The following CAPSL variants were observed in gnomAD, a reference collection of about 807,000 sequenced individuals.
The protein encoded by CAPSL is calcyphosine like, also known as calcyphosin-like protein.
A neutral mutation model predicts 21.3 loss-of-function variants in CAPSL; 17 were observed. The ratio of observed to expected loss-of-function variants is 0.80; its 90% CI spans 0.55 to 1.20. The LOEUF (loss-of-function observed/expected upper bound fraction) is 1.20, where lower values mean the gene tolerates loss of function less well. CAPSL is among the 50% of genes most tolerant of loss of function. The probability of loss-of-function intolerance (pLI) is 0.00; values close to 1 mark genes in which losing one functional copy is unlikely to be tolerated. For synonymous variants in CAPSL, 102 were observed against 89.3 expected (o/e 1.14, Z -0.80); for missense variants, 289 against 259.3 (o/e 1.11, Z -0.79).
At chr5:35,911,480 C>T (rs1016142211) in intron 2 of CAPSL, among the ~76,000 whole-genome samples, 23 of 152,240 alleles carry the variant, frequency 1.5e-4, no homozygotes, top group Middle Eastern at 6.8e-3. Flanking sequence ...AGAAAAAAAT[C>T]AGAGAAATTC....
At chr5:35,911,792 C>A (rs28755004) in intron 2 of CAPSL, among the ~76,000 whole-genome samples, 1 of 152,154 alleles carries the variant, frequency 6.6e-6, no homozygotes, top group Non-Finnish European at 1.5e-5. Context: ...CAGCTCCCAG[C>A]GTGAGCGATG....
At chr5:35,916,448 ACC>A (rs901872464) in intron 2 of CAPSL, among the ~76,000 whole-genome samples, 6 of 152,234 alleles carry the variant, frequency 3.9e-5, no homozygotes, top group African/African-American at 1.4e-4. Context: ...GCATAACGCT[ACC>A]TGACTTCAAA....
chr5:35,930,896 A>C (rs548160789), intron 1 of CAPSL, among the ~76,000 whole-genome samples: 1 of 152,272 alleles, frequency 6.6e-6, no homozygotes, highest in East Asian at 1.9e-4. Flanking sequence ...GCTCTGGAAT[A>C]TCTCTCTCAT....
chr5:35,936,986 T>C (rs146594921), intron 1 of CAPSL, among the ~76,000 whole-genome samples: 1,765 of 152,318 alleles, frequency 0.012, 13 homozygotes, highest in Non-Finnish European at 0.018. Flanking sequence ...ACCTGGGTCA[T>C]TAACTGACCA....
chr5:35,933,395 T>C (rs983116824), intron 1 of CAPSL, among the ~76,000 whole-genome samples: 1 of 152,204 alleles, frequency 6.6e-6, no homozygotes, highest in Admixed American at 6.5e-5. Context: ...TTGGAGGTTG[T>C]CTCAGTTCAC....
At chr5:35,925,642 A>G (rs1738651046) in intron 1 of CAPSL, among the ~76,000 whole-genome samples, 1 of 151,998 alleles carries the variant, frequency 6.6e-6, no homozygotes, top group Admixed American at 6.5e-5. Context: ...TCCTGAGAGC[A>G]ACAGGAGACC....
chr5:35,905,668 C>T (rs1760657821), intron 4 of CAPSL, among the ~76,000 whole-genome samples: 1 of 152,212 alleles, frequency 6.6e-6, no homozygotes, highest in South Asian at 2.1e-4. Context: ...TATTCCTCTC[C>T]TCCTTTGGAT....
At chr5:35,935,996 T>C (rs1580900170) in intron 1 of CAPSL, among the ~76,000 whole-genome samples, 2 of 152,208 alleles carry the variant, frequency 1.3e-5, no homozygotes, top group Non-Finnish European at 1.5e-5. Flanking sequence ...ATTTATTCTT[T>C]AACCACAGCT....
At chr5:35,915,564 A>T (rs1375447126) in intron 2 of CAPSL, among the ~76,000 whole-genome samples, 1 of 152,218 alleles carries the variant, frequency 6.6e-6, no homozygotes, top group East Asian at 1.9e-4. Context: ...ACATACGCAA[A>T]TCAATAAATG....
At chr5:35,905,897 C>G (rs916483959) in intron 4 of CAPSL, among the ~76,000 whole-genome samples, 4 of 152,204 alleles carry the variant, frequency 2.6e-5, no homozygotes, top group African/African-American at 7.2e-5. Context: ...ATCTCTGAAG[C>G]AGGTGGTTGT....
At chr5:35,910,113 A>G in intron 3 of CAPSL, 38 bp from the exon 4 acceptor site, 3 of 1,515,822 alleles carry the variant, frequency 2.0e-6, no homozygotes, top group Non-Finnish European at 2.7e-6. Flanking sequence ...GACATACATA[A>G]GCAAATGAGC....
At position 35,923,212 on chromosome 5, in the gene CAPSL, T is replaced by A. The variant is rs148737732; in HGVS notation, c.1-2092A>T. On this transcript the variant is annotated intron_variant, in intron 1 of 4. Transcript: ENST00000651391. ...ATTTTGCTCTGGTTTTTCCCTGCCA[T>A]CCATGACAGTAAGTGAGAATGAAGA... Among the ~76,000 whole-genome samples the A allele has an allele frequency of 4.3e-4, 66 of 151,936 alleles. No homozygotes were observed. The East Asian group carries it at 7.7e-3, about 18-fold the overall frequency.
At chr5:35,919,376 G>A (rs1410931998) in intron 2 of CAPSL, among the ~76,000 whole-genome samples, 1 of 152,044 alleles carries the variant, frequency 6.6e-6, no homozygotes, top group Non-Finnish European at 1.5e-5. Context: ...AATTGGAAAT[G>A]ACTAAGAAAG....
At chr5:35,929,815 C>T (rs1027283404) in intron 1 of CAPSL, among the ~76,000 whole-genome samples, 9 of 152,090 alleles carry the variant, frequency 5.9e-5, no homozygotes, top group African/African-American at 2.2e-4. Flanking sequence ...AAACATGACC[C>T]CTTCTCCCAT....
intron 4 of CAPSL, among the ~76,000 whole-genome samples, chr5:35,905,925 A>C (rs1760664891): frequency 6.6e-6 from 1 of 152,202 alleles, no homozygotes; most frequent in African/African-American, 2.4e-5. Flanking sequence ...ACTTCTTAAA[A>C]ATCTAAACAT....
chr5:35,934,019 G>A (rs1160370127), intron 1 of CAPSL, among the ~76,000 whole-genome samples: 2 of 152,184 alleles, frequency 1.3e-5, no homozygotes, highest in Non-Finnish European at 2.9e-5. Flanking sequence ...ACAGTTCAGT[G>A]TCTTGTAATG....
intron 1 of CAPSL, among the ~76,000 whole-genome samples, chr5:35,929,888 A>G (rs1175714432): frequency 6.6e-6 from 1 of 152,176 alleles, no homozygotes; most frequent in East Asian, 1.9e-4. Context: ...ATGGTTAAGA[A>G]GAAAAATTTT....
chr5:35,906,194 C>G (rs1040708984), intron 4 of CAPSL, among the ~76,000 whole-genome samples: 2 of 152,050 alleles, frequency 1.3e-5, no homozygotes, highest in Non-Finnish European at 2.9e-5. Flanking sequence ...ATCAAACTCC[C>G]GATATTTTTA....
chr5:35,923,215 A>T (rs1365520378), intron 1 of CAPSL, among the ~76,000 whole-genome samples: 1 of 151,446 alleles, frequency 6.6e-6, no homozygotes, highest in Non-Finnish European at 1.5e-5. Context: ...CCTGCCATCC[A>T]TGACAGTAAG....
Sources: allele counts gnomAD v4.1 joint callset (sites outside exome capture counted in the v4.1 genomes callset), GRCh38; gene constraint gnomAD v4.1.1; transcripts MANE v1.5; gene names NCBI Gene and HGNC (gene_info 2026-07-23, HGNC 2026-07-21).